BMPR1A: variants seen among roughly 807,000 people sequenced by gnomAD.
BMPR1A encodes bone morphogenetic protein receptor type-1A.
In BMPR1A, 7 loss-of-function variants were observed where a neutral mutation model predicts 66.0. The observed-to-expected ratio is 0.11, with a 90% CI of 0.06 to 0.20. BMPR1A has a LOEUF of 0.20. Among genes scored for constraint, BMPR1A ranks in the 10% least tolerant of loss-of-function variants. BMPR1A has a pLI of 1.00. For synonymous variants in BMPR1A, 200 were observed against 229.7 expected, an observed-to-expected ratio of 0.87 and a Z score of 1.17; for missense variants, 408 against 669.1, an observed-to-expected ratio of 0.61 and a Z score of 4.31.
chr10:86,772,291 C>T lies in BMPR1A; in HGVS notation c.-268+15372C>T, dbSNP rs190120251. Among the ~76,000 whole-genome samples the T allele has an allele frequency of 2.6e-5, 4 of 152,074 alleles. No individual in the cohort carries two copies. The East Asian group carries it at 5.8e-4, about 22-fold the overall frequency. ...GACTACAGGCGTCCTCCACCATGCC[C>T]GGCTAATGTTTTGTATTTTTAGTAG... On this transcript the variant is annotated intron_variant, in intron 1 of 12. Coordinates refer to ENST00000372037, the MANE Select transcript of BMPR1A (RefSeq NM_004329.3).
At chr10:86,785,921 A>G (rs1476337940) in intron 1 of BMPR1A, among the ~76,000 whole-genome samples, 2 of 152,172 alleles carry the variant, frequency 1.3e-5, no homozygotes, top group African/African-American at 2.4e-5. Context: ...AGTAGTTCCT[A>G]GTTCATTTAT....
chr10:86,824,513 A>T (rs1333232301), intron 1 of BMPR1A, among the ~76,000 whole-genome samples: 3 of 152,164 alleles, frequency 2.0e-5, no homozygotes, highest in African/African-American at 7.2e-5. Context: ...TTATCCACCC[A>T]CGGACATGGA....
chr10:86,795,897 T>G (rs1841702489), intron 1 of BMPR1A, among the ~76,000 whole-genome samples: 1 of 152,168 alleles, frequency 6.6e-6, no homozygotes, highest in East Asian at 1.9e-4. Context: ...AAATTGATAT[T>G]GAGTTAAATT....
rs2133332664 is a variant in BMPR1A, at chr10:86,877,990, AAG to A, written c.67+1908_67+1909del. On this transcript the variant is annotated intron_variant, in intron 3 of 12. Coordinates refer to ENST00000372037, the MANE Select transcript of BMPR1A (RefSeq NM_004329.3). ...TATTAAGAATTACATTTCTCTGATAAAGAGTGAAATTTGTTACATTTCCTTTC... is the reference window on the plus strand; with the variant it reads ...TATTAAGAATTACATTTCTCTGATAAAGTGAAATTTGTTACATTTCCTTTC... 2.0e-5 allele frequency among the ~76,000 whole-genome samples: 3 copies of A among 152,360 alleles called. No homozygotes were observed. The South Asian group carries it at 6.2e-4, about 32-fold the overall frequency.
intron 2 of BMPR1A, among the ~76,000 whole-genome samples, chr10:86,848,362 G>A (rs1456802034): frequency 6.6e-6 from 1 of 152,164 alleles, no homozygotes; most frequent in Non-Finnish European, 1.5e-5. Flanking sequence ...CTGGCCTATA[G>A]AGCTCTAAGT....
intron 3 of BMPR1A, among the ~76,000 whole-genome samples, chr10:86,882,697 T>C (rs1843005930): frequency 6.7e-6 from 1 of 149,138 alleles, no homozygotes; most frequent in South Asian, 2.1e-4. Context: ...CGGTGGCTCA[T>C]GTCATGTCTA....
chr10:86,769,738 AAG>A (rs1841221666), intron 1 of BMPR1A, among the ~76,000 whole-genome samples: 1 of 152,154 alleles, frequency 6.6e-6, no homozygotes, highest in Non-Finnish European at 1.5e-5. Context: ...GGAGAGGTCT[AAG>A]AGAACCATTC....
intron 7 of BMPR1A, among the ~76,000 whole-genome samples, chr10:86,910,883 A>T (rs763773074): frequency 6.6e-6 from 1 of 152,044 alleles, no homozygotes; most frequent in Non-Finnish European, 1.5e-5. Flanking sequence ...AAGCAGGAGG[A>T]TTGCTTTGAA....
chr10:86,906,754 A>C (rs1226406270), intron 7 of BMPR1A, among the ~76,000 whole-genome samples: 1 of 34,876 alleles, frequency 2.9e-5, no homozygotes, highest in Non-Finnish European at 4.2e-5. Flanking sequence ...AAAAAAAAAA[A>C]AAAAAAAACA....
At chr10:86,776,404 C>T (rs529092559) in intron 1 of BMPR1A, among the ~76,000 whole-genome samples, 5 of 152,208 alleles carry the variant, frequency 3.3e-5, no homozygotes, top group Non-Finnish European at 5.9e-5. Flanking sequence ...ATTCAAAGTT[C>T]GGTTAGTGAA....
In BMPR1A at chr10:86,919,691, GTTTGTTT is replaced by G. The variant is rs561296240; in HGVS notation, c.1166+247_1166+253del. On this transcript the variant is annotated intron_variant, in intron 10 of 12. Coordinates refer to ENST00000372037, the MANE Select transcript of BMPR1A (RefSeq NM_004329.3). ...ATATATTTTTTTGGTGTTTTTTTTT[GTTTGTTT>G]TTTGTTTTTTGTTTTTTGTTTTTTT... 0.021 allele frequency among the ~76,000 whole-genome samples: 2,875 copies of G among 138,324 alleles called. 63 individuals are homozygous for G. The highest frequency in any genetic ancestry group is 0.073 in the African/African-American group (2,392 of 32,742). 90.7% of individuals were successfully genotyped at this position (138,324 alleles called of 152,430 possible).
chr10:86,767,957 G>A (rs910093758), intron 1 of BMPR1A, among the ~76,000 whole-genome samples: 5 of 152,250 alleles, frequency 3.3e-5, no homozygotes, highest in East Asian at 3.9e-4. Flanking sequence ...CATGTTACTT[G>A]TTTTCCTGCA....
intron 1 of BMPR1A, among the ~76,000 whole-genome samples, chr10:86,796,595 G>C (rs913400581): frequency 6.7e-6 from 1 of 148,284 alleles, no homozygotes. Context: ...TTTGTTTTTT[G>C]AGACAGAATC....
intron 1 of BMPR1A, among the ~76,000 whole-genome samples, chr10:86,790,494 G>C (rs1340136599): frequency 6.6e-6 from 1 of 151,800 alleles, no homozygotes; most frequent in African/African-American, 2.4e-5. Context: ...ACAAAAATTT[G>C]TGCATGAAAG....
At chr10:86,897,349 C>T (rs1266344609) in intron 5 of BMPR1A, among the ~76,000 whole-genome samples, 3 of 152,090 alleles carry the variant, frequency 2.0e-5, no homozygotes, top group East Asian at 3.9e-4. Flanking sequence ...TTCATAATCT[C>T]GACAAACCCA....
At chr10:86,897,592 C>T (rs1430681379) in intron 5 of BMPR1A, among the ~76,000 whole-genome samples, 1 of 151,966 alleles carries the variant, frequency 6.6e-6, no homozygotes, top group Non-Finnish European at 1.5e-5. Flanking sequence ...TACCTTGTTT[C>T]CCCCCAACTA....
chr10:86,783,808 C>T (rs1841473474), intron 1 of BMPR1A, among the ~76,000 whole-genome samples: 2 of 152,098 alleles, frequency 1.3e-5, no homozygotes, highest in African/African-American at 2.4e-5. Flanking sequence ...AAGCTGGTCT[C>T]GAAGTGCTGG....
intron 1 of BMPR1A, among the ~76,000 whole-genome samples, chr10:86,772,080 C>G (rs1212168195): frequency 7.0e-6 from 1 of 142,860 alleles, no homozygotes; most frequent in Non-Finnish European, 1.5e-5. Flanking sequence ...TTTTTTTTCT[C>G]ATCTCTGAGA....
At chr10:86,909,138 AATAAT>A (rs1235198148) in intron 7 of BMPR1A, among the ~76,000 whole-genome samples, 3 of 152,204 alleles carry the variant, frequency 2.0e-5, no homozygotes, top group Non-Finnish European at 4.4e-5. Flanking sequence ...GAGCTAAACA[AATAAT>A]ATAACTGTAA....
Sources: allele counts gnomAD v4.1 joint callset (sites outside exome capture counted in the v4.1 genomes callset), GRCh38; gene constraint gnomAD v4.1.1; transcripts MANE v1.5; gene names NCBI Gene and HGNC (gene_info 2026-07-23, HGNC 2026-07-21).